Variants in GK5 observed in about 807,000 individuals in gnomAD.
The protein encoded by GK5 is ATP:glycerol 3-phosphotransferase 5.
In GK5, 39 loss-of-function variants were observed where a neutral mutation model predicts 77.3. That is an observed-to-expected ratio of 0.50 (90% CI 0.39 to 0.66). The LOEUF is 0.66. GK5 is among the 30% of genes least tolerant of loss of function. The pLI, the probability that GK5 is intolerant of heterozygous loss-of-function variation, is 0.00. For synonymous variants in GK5, 211 were observed against 208.0 expected (o/e 1.01, Z -0.13); for missense variants, 487 against 633.8 (o/e 0.77, Z 2.49).
rs760846270 is a variant in GK5, at chr3:142,186,033, T to C, written c.756-44A>G. On this transcript the variant is annotated intron_variant, in intron 8 of 15. Coordinates refer to ENST00000392993, the MANE Select transcript of GK5 (RefSeq NM_001039547.3). ...AAAAAGTTAGTTACAGCTCTAGAAA[T>C]ATTAGTTTTAAAACTCAGCAAATTG... is the stretch of plus-strand genomic sequence containing the variant. 3.4e-6 allele frequency: 5 copies of C among 1,470,650 alleles called. No individual in the cohort carries two copies. In the South Asian group the frequency reaches 5.9e-5, roughly 17 times the overall value. The allele number at this position is 1,470,650 out of a possible 1,614,324, so 91.1% of individuals were successfully genotyped here. A position where few individuals can be genotyped will look rare whatever the true frequency, so the allele number is the denominator to read the frequency against.
At chr3:142,219,222 T>C (rs942480810) in intron 1 of GK5, among the ~76,000 whole-genome samples, 3 of 152,156 alleles carry the variant, frequency 2.0e-5, no homozygotes, top group Admixed American at 2.0e-4. Flanking sequence ...AAATTTACCC[T>C]ATAAGGTTGT....
intron 3 of GK5, among the ~76,000 whole-genome samples, chr3:142,207,450 T>G (rs367956995): frequency 9.2e-5 from 14 of 152,362 alleles, no homozygotes; most frequent in African/African-American, 3.4e-4. Flanking sequence ...ATGGAAAGAT[T>G]GTGTTTCTGT....
chr3:142,209,310 C>T (rs1289553894), intron 3 of GK5, among the ~76,000 whole-genome samples: 1 of 152,088 alleles, frequency 6.6e-6, no homozygotes, highest in African/African-American at 2.4e-5. Context: ...GCTATATGTT[C>T]AAATGTCCTA....
intron 1 of GK5, among the ~76,000 whole-genome samples, chr3:142,216,562 C>T (rs1268893762): frequency 2.6e-5 from 4 of 152,046 alleles, no homozygotes; most frequent in Non-Finnish European, 5.9e-5. Context: ...TTTCTGCTGC[C>T]TAACCCCAGA....
At chr3:142,200,165 A>G (rs1315181417) in intron 4 of GK5, among the ~76,000 whole-genome samples, 1 of 151,774 alleles carries the variant, frequency 6.6e-6, no homozygotes, top group Non-Finnish European at 1.5e-5. Context: ...GTTTTTTTTG[A>G]GACAGAGTCT....
rs369737156 is a variant in GK5 at position 142,198,471 on chromosome 3, G to A, written c.543+331C>T. 9.9e-4 allele frequency among the ~76,000 whole-genome samples: 150 copies of A among 152,028 alleles called. 1 individual carries two copies. Among genetic ancestry groups the A allele is most frequent in the Admixed American group, 8.0e-3 (122 of 15,280 alleles). ...CTACTAAAAATACAAAAAATTAGCC[G>A]GGCGTGGTGGCACGCGCCTGTAGTC... On this transcript the variant is annotated intron_variant, in intron 5 of 15. Transcript: ENST00000392993.
intron 1 of GK5, among the ~76,000 whole-genome samples, chr3:142,216,971 A>G (rs1387765002): frequency 1.3e-5 from 2 of 152,188 alleles, no homozygotes; most frequent in Non-Finnish European, 2.9e-5. Context: ...AACAACAAAA[A>G]TCCTCATAGG....
chr3:142,220,293 G>A (rs1163532407), intron 1 of GK5, among the ~76,000 whole-genome samples: 15 of 152,042 alleles, frequency 9.9e-5, no homozygotes, highest in Admixed American at 6.6e-4. Flanking sequence ...CCGCCACCAC[G>A]CCTGGCTAAT....
At chr3:142,202,788 C>G (rs1387768629) in intron 4 of GK5, among the ~76,000 whole-genome samples, 1 of 152,098 alleles carries the variant, frequency 6.6e-6, no homozygotes. Context: ...GAAACCCTGT[C>G]TCTACTAAAA....
At chr3:142,211,439 G>A (rs1021819320) in intron 3 of GK5, among the ~76,000 whole-genome samples, 1 of 152,182 alleles carries the variant, frequency 6.6e-6, no homozygotes, top group African/African-American at 2.4e-5. Flanking sequence ...GGGGAGTGGA[G>A]TAAGCACAGA....
intron 15 of GK5, among the ~76,000 whole-genome samples, chr3:142,167,313 GC>G (rs1420571354): frequency 6.6e-6 from 1 of 151,960 alleles, no homozygotes; most frequent in Non-Finnish European, 1.5e-5. Context: ...GGCGGAGGTT[GC>G]AATGACCCGA....
At chr3:142,180,494 G>A (rs148524898) in intron 11 of GK5, among the ~76,000 whole-genome samples, 1 of 151,936 alleles carries the variant, frequency 6.6e-6, no homozygotes, top group Non-Finnish European at 1.5e-5. Context: ...TAAAGACAGG[G>A]TTTCTCCATG....
Position 142,178,755 on chromosome 3 carries a change from T to C in GK5, c.1049-1179A>G, listed in dbSNP as rs183092601. Among the ~76,000 whole-genome samples, 789 of 152,322 alleles carry C rather than the reference T, an allele frequency of 5.2e-3. 8 individuals carry two copies. Among genetic ancestry groups the C allele is most frequent in the Middle Eastern group, 0.017 (5 of 294 alleles). ...ATGTACATTATTTTTGGTGGACATA[T>C]GTATACATTTCTGTTTATTAACACA... On this transcript the variant is annotated intron_variant, in intron 11 of 15. Coordinates refer to ENST00000392993, the MANE Select transcript of GK5 (RefSeq NM_001039547.3).
Position 142,160,711 on chromosome 3 carries a change from T to C in GK5, c.*4911A>G, listed in dbSNP as rs2063419034. 6.6e-6 allele frequency: 1 copy of C among 152,232 alleles called. No individual in the cohort carries two copies. 9.4% of individuals were successfully genotyped at this position (152,232 alleles called of 1,614,324 possible). ...AAATAGTTTTTCAAATATATAAACA[T>C]ATTAAGAATTTTATTTTATTTTATT... On this transcript the variant is annotated 3_prime_UTR_variant, in exon 16 of 16. Transcript: ENST00000392993.
intron 11 of GK5, among the ~76,000 whole-genome samples, chr3:142,180,594 G>A (rs952406438): frequency 2.0e-5 from 3 of 152,098 alleles, no homozygotes; most frequent in East Asian, 1.9e-4. Flanking sequence ...GAGCCACCGC[G>A]CCCAGCCTTC....
intron 3 of GK5, among the ~76,000 whole-genome samples, chr3:142,210,601 A>G (rs1054038379): frequency 2.0e-5 from 3 of 152,200 alleles, no homozygotes; most frequent in African/African-American, 7.2e-5. Flanking sequence ...ATGTTCCCAA[A>G]ACTCATGAAA....
At chr3:142,221,970 C>A (rs994360576) in intron 1 of GK5, among the ~76,000 whole-genome samples, 2 of 152,066 alleles carry the variant, frequency 1.3e-5, no homozygotes, top group African/African-American at 2.4e-5. Context: ...TTAAAAATTT[C>A]TTTCCCAGTA....
At chr3:142,184,305 G>GAAA (rs2063738962) in intron 9 of GK5, among the ~76,000 whole-genome samples, 1 of 106,528 alleles carries the variant, frequency 9.4e-6, no homozygotes, top group African/African-American at 3.8e-5. Context: ...GAATAAAAAT[G>GAAA]ATAACCAAAA....
chr3:142,170,927 A>G (rs2063527913), intron 14 of GK5, among the ~76,000 whole-genome samples: 2 of 152,126 alleles, frequency 1.3e-5, no homozygotes, highest in Admixed American at 6.5e-5. Flanking sequence ...CTGAATTCCT[A>G]TGACCAAGAA....
Sources: allele counts gnomAD v4.1 joint callset (sites outside exome capture counted in the v4.1 genomes callset), GRCh38; gene constraint gnomAD v4.1.1; transcripts MANE v1.5; gene names NCBI Gene and HGNC (gene_info 2026-07-23, HGNC 2026-07-21).